ADRA2C: variants seen among roughly 807,000 people sequenced by gnomAD.
ADRA2C encodes adrenoceptor alpha 2C.
In ADRA2C, 4 loss-of-function variants were observed where a neutral mutation model predicts 7.9. The observed-to-expected ratio is 0.51, with a 90% CI of 0.25 to 1.16. The LOEUF is 1.16. ADRA2C is among the 50% of genes most tolerant of loss of function. The pLI is 0.15. For synonymous variants in ADRA2C, 368 were observed against 328.9 expected (o/e 1.12, Z -1.29); for missense variants, 589 against 677.7 (o/e 0.87, Z 1.45).
In ADRA2C at chr4:3,768,423, G is replaced by A. The variant is rs915233260; in HGVS notation, c.*428G>A. 1 of 615,888 alleles carries A rather than the reference G, an allele frequency of 1.6e-6. No individual in the cohort carries two copies. 38.2% of individuals were successfully genotyped at this position (615,888 alleles called of 1,614,324 possible). A position where few individuals can be genotyped will look rare whatever the true frequency, so the allele number is the denominator to read the frequency against. On this transcript the variant is annotated 3_prime_UTR_variant, in exon 1 of 1. Coordinates refer to ENST00000330055, the MANE Select transcript of ADRA2C (RefSeq NM_000683.4). ...CGGGGGGTGGCTGCCAGGGGGCAAG[G>A]AGAAAGCACCGACAATCTTTGATTA... is the stretch of plus-strand genomic sequence containing the variant.
In ADRA2C at chr4:3,766,761, C is replaced by T. The variant is rs1466627067; in HGVS notation, c.155C>T (p.Ala52Val). 2.0e-6 allele frequency: 3 copies of T among 1,532,316 alleles called. No homozygotes were observed. Among genetic ancestry groups the T allele is most frequent in the South Asian group, 2.5e-5 (2 of 79,934 alleles). 94.9% of individuals were successfully genotyped at this position (1,532,316 alleles called of 1,614,324 possible). The change falls in exon 1 of 1, where the codon GCA becomes GTA. Residue 52 changes from alanine (A) to valine (V), a missense_variant. Coordinates refer to ENST00000330055, the MANE Select transcript of ADRA2C (RefSeq NM_000683.4). This position sits in a 1 kb window ranked among gnomAD's most constrained non-coding sequence, Gnocchi z 4.5. ...PRGQYSAGAV[A>V]GLAAVVGFLI... ...GGCCAGTACTCGGCGGGCGCGGTGGCAGGGCTGGCTGCCGTGGTGGGCTTC... is the reference window on the plus strand; with the variant it reads ...GGCCAGTACTCGGCGGGCGCGGTGGTAGGGCTGGCTGCCGTGGTGGGCTTC...
Position 3,766,593 on chromosome 4 carries a change from C to T in ADRA2C, c.-14C>T. The T allele has an allele frequency of 1.7e-6, 2 of 1,169,894 alleles. No individual in the cohort carries two copies. The highest frequency in any genetic ancestry group is 2.1e-6 in the Non-Finnish European group (2 of 949,374). The allele number at this position is 1,169,894 out of a possible 1,614,324, so 72.5% of individuals were successfully genotyped here. The stretch of plus-strand genomic sequence containing the variant: ...CCCGGCTCCAGGAGGGACGGCGTAG[C>T]TCGCGGGAGGACCATGGCGTCCCCG... On this transcript the variant is annotated 5_prime_UTR_variant, in exon 1 of 1. Coordinates refer to ENST00000330055, the MANE Select transcript of ADRA2C (RefSeq NM_000683.4). This position sits in a 1 kb window ranked among gnomAD's most constrained non-coding sequence, Gnocchi z 4.5.
Position 3,768,362 on chromosome 4 carries a change from C to G in ADRA2C, c.*367C>G. On this transcript the variant is annotated 3_prime_UTR_variant, in exon 1 of 1. Coordinates refer to ENST00000330055, the MANE Select transcript of ADRA2C (RefSeq NM_000683.4). ...CCAAAGACACTACCACTCCCCATCC[C>G]CGTCTGACCAAGGGCTGACTTCTCC... The G allele has an allele frequency of 2.8e-6, 2 of 703,538 alleles. No individual in the cohort carries two copies. The highest frequency in any genetic ancestry group is 5.3e-6 in the Non-Finnish European group (2 of 377,300). The allele number at this position is 703,538 out of a possible 1,614,324, so 43.6% of individuals were successfully genotyped here.
Position 3,768,089 on chromosome 4 carries a change from T to TCTCCCAGAGACCCGGGGAG in ADRA2C, c.*94_*95insCTCCCAGAGACCCGGGGAG. ...GGGAGCTTTCCCAGAGACCCGGGGA[T>TCTCCCAGAGACCCGGGGAG]GGATTGGCCTCCAGGGCGCAGGGGA... is the stretch of plus-strand genomic sequence containing the variant. On this transcript the variant is annotated 3_prime_UTR_variant, in exon 1 of 1. Coordinates refer to ENST00000330055, the MANE Select transcript of ADRA2C (RefSeq NM_000683.4). 2 of 117,640 alleles carry TCTCCCAGAGACCCGGGGAG rather than the reference T, an allele frequency of 1.7e-5. No individual in the cohort carries two copies. The highest frequency in any genetic ancestry group is 3.3e-5 in the Non-Finnish European group (2 of 60,658). 7.3% of individuals were successfully genotyped at this position (117,640 alleles called of 1,614,324 possible). A position where few individuals can be genotyped will look rare whatever the true frequency, so the allele number is the denominator to read the frequency against.
Position 3,768,334 on chromosome 4 carries a change from C to T in ADRA2C, c.*339C>T, listed in dbSNP as rs1026640983. The stretch of plus-strand genomic sequence containing the variant: ...CCCCCTAAATGGGCAAGCAAGGAGC[C>T]CCCCAAAGACACTACCACTCCCCAT... On this transcript the variant is annotated 3_prime_UTR_variant, in exon 1 of 1. Coordinates refer to ENST00000330055, the MANE Select transcript of ADRA2C (RefSeq NM_000683.4). 4 of 715,746 alleles carry T rather than the reference C, an allele frequency of 5.6e-6. No homozygotes were observed. The highest frequency in any genetic ancestry group is 1.5e-5 in the South Asian group (1 of 67,360). 44.3% of individuals were successfully genotyped at this position (715,746 alleles called of 1,614,324 possible). A position where few individuals can be genotyped will look rare whatever the true frequency, so the allele number is the denominator to read the frequency against.
Position 3,767,215 on chromosome 4 carries a change from C to T in ADRA2C, c.609C>T (p.Gly203=). Residue 203 remains glycine (G), a synonymous_variant, in exon 1 of 1, where the codon GGC becomes GGT. Transcript: ENST00000330055. The part of the protein sequence containing the change: ...QPDGAAYPQC[G]LNDETWYILS... ...ACGGCGCCGCCTACCCGCAGTGCGG[C>T]CTCAACGACGAGACCTGGTACATCC... 1 of 1,610,554 alleles carries T rather than the reference C, an allele frequency of 6.2e-7. No homozygotes were observed. The highest frequency in any genetic ancestry group is 8.5e-7 in the Non-Finnish European group (1 of 1,179,300).
chr4:3,767,753 G>T lies in ADRA2C; in HGVS notation c.1147G>T (p.Val383Leu). ...GGCGCGCGAGAAGCGCTTCACCTTT[G>T]TGCTGGCTGTGGTCATGGGCGTGTT... ...AQAREKRFTF[V>L]LAVVMGVFVL... Residue 383 changes from valine (V) to leucine (L), a missense_variant, in exon 1 of 1, where the codon GTG (valine) becomes TTG (leucine). Coordinates refer to ENST00000330055, the MANE Select transcript of ADRA2C (RefSeq NM_000683.4). 6.2e-7 allele frequency: 1 copy of T among 1,613,090 alleles called. No individual in the cohort carries two copies.
In ADRA2C at chr4:3,767,158, C is replaced by A. The variant is rs1735464209; in HGVS notation, c.552C>A (p.Phe184Leu). 2 of 1,609,260 alleles carry A rather than the reference C, an allele frequency of 1.2e-6. No homozygotes were observed. The highest frequency in any genetic ancestry group is 8.5e-7 in the Non-Finnish European group (1 of 1,179,726). Residue 184 changes from phenylalanine to leucine, a missense_variant, in exon 1 of 1, where the codon TTC (phenylalanine) becomes TTA (leucine). Transcript: ENST00000330055. ...AVWLISAVIS[F>L]PPLVSLYRQP... ...GGCTCATCTCGGCCGTCATCTCCTT[C>A]CCGCCGCTGGTCTCGCTCTACCGCC...
chr4:3,766,936 C>T lies in ADRA2C; in HGVS notation c.330C>T (p.Ala110=). ...VATLVMPFSL[A]NELMAYWYFG... ...CGCTGGTCATGCCCTTCTCGTTGGC[C>T]AACGAGCTCATGGCCTACTGGTACT... Residue 110 remains alanine (A), a synonymous_variant, in exon 1 of 1, where the codon GCC becomes GCT. Coordinates refer to ENST00000330055, the MANE Select transcript of ADRA2C (RefSeq NM_000683.4). This position sits in a 1 kb window ranked among gnomAD's most constrained non-coding sequence, Gnocchi z 4.5. 1.9e-6 allele frequency: 3 copies of T among 1,610,862 alleles called. No individual in the cohort carries two copies. Among genetic ancestry groups the T allele is most frequent in the Non-Finnish European group, 2.5e-6 (3 of 1,179,894 alleles).
Position 3,766,773 on chromosome 4 carries a change from C to T in ADRA2C, c.167C>T (p.Ala56Val), listed in dbSNP as rs766801058. 9.7e-6 allele frequency: 15 copies of T among 1,546,456 alleles called. No individual in the cohort carries two copies. In the South Asian group the frequency reaches 1.6e-4, roughly 16 times the overall value. Residue 56 changes from alanine (A) to valine (V), a missense_variant, in exon 1 of 1, where the codon GCC becomes GTC. Ala to Val is a moderately conservative substitution (Grantham distance 64). Coordinates refer to ENST00000330055, the MANE Select transcript of ADRA2C (RefSeq NM_000683.4). The surrounding 1 kb of genome is among the most constrained non-coding windows in gnomAD (Gnocchi z 4.5). ...GCGGGCGCGGTGGCAGGGCTGGCTG[C>T]CGTGGTGGGCTTCCTCATCGTCTTC... ...YSAGAVAGLA[A>V]VVGFLIVFTV...
rs1437238979 is a variant in ADRA2C, at chr4:3,768,026, C to G, written c.*31C>G. 4 of 1,434,218 alleles carry G rather than the reference C, an allele frequency of 2.8e-6. No homozygotes were observed. The highest frequency in any genetic ancestry group is 1.8e-5 in the Admixed American group (1 of 54,610). 88.8% of individuals were successfully genotyped at this position (1,434,218 alleles called of 1,614,324 possible). A position where few individuals can be genotyped will look rare whatever the true frequency, so the allele number is the denominator to read the frequency against. ...ACCCGTCTGGGAATCCTGGACAGCTCCGCGCTCGGGGCTGGGCAGAAGGGG... is the reference window on the plus strand; with the variant it reads ...ACCCGTCTGGGAATCCTGGACAGCTGCGCGCTCGGGGCTGGGCAGAAGGGG... On this transcript the variant is annotated 3_prime_UTR_variant, in exon 1 of 1. Coordinates refer to ENST00000330055, the MANE Select transcript of ADRA2C (RefSeq NM_000683.4).
In ADRA2C at chr4:3,768,228, T is replaced by G. The variant is rs1047819769; in HGVS notation, c.*233T>G. ...CTCAGCAAGGGGCTGCTTCTGGGGC[T>G]CCCTGCCTGGATCCAGCTCTGGGAG... On this transcript the variant is annotated 3_prime_UTR_variant, in exon 1 of 1. Coordinates refer to ENST00000330055, the MANE Select transcript of ADRA2C (RefSeq NM_000683.4). 1.5e-5 allele frequency: 11 copies of G among 719,172 alleles called. No individual in the cohort carries two copies. The highest frequency in any genetic ancestry group is 2.8e-5 in the Non-Finnish European group (11 of 387,106). 44.5% of individuals were successfully genotyped at this position (719,172 alleles called of 1,614,324 possible). A position where few individuals can be genotyped will look rare whatever the true frequency, so the allele number is the denominator to read the frequency against.
Position 3,766,900 on chromosome 4 carries a change from C to G in ADRA2C, c.294C>G (p.Ile98Met). ...LFLVSLASAD[I>M]LVATLVMPFS... Reference sequence around the variant, plus strand: ...TGGTGTCGCTGGCCTCGGCCGACATCCTGGTGGCCACGCTGGTCATGCCCT... The same window carrying G: ...TGGTGTCGCTGGCCTCGGCCGACATGCTGGTGGCCACGCTGGTCATGCCCT... The change falls in exon 1 of 1, where the codon ATC (isoleucine) becomes ATG (methionine). Residue 98 changes from isoleucine to methionine, a missense_variant. Ile to Met is a conservative substitution (Grantham distance 10). Coordinates refer to ENST00000330055, the MANE Select transcript of ADRA2C (RefSeq NM_000683.4). The surrounding 1 kb of genome is among the most constrained non-coding windows in gnomAD (Gnocchi z 4.5). 6.2e-7 allele frequency: 1 copy of G among 1,610,648 alleles called. No homozygotes were observed. Among genetic ancestry groups the G allele is most frequent in the Non-Finnish European group, 8.5e-7 (1 of 1,179,528 alleles).
At position 3,768,472 on chromosome 4, in the gene ADRA2C, A is replaced by G; in HGVS notation, c.*477A>G. 1 of 591,602 alleles carries G rather than the reference A, an allele frequency of 1.7e-6. No homozygotes were observed. Among genetic ancestry groups the G allele is most frequent in the South Asian group, 2.1e-5 (1 of 47,580 alleles). The allele number at this position is 591,602 out of a possible 1,614,324, so 36.6% of individuals were successfully genotyped here. ...TACTGAAAGTATTTAAATGTTTGCC[A>G]AAAACAACAGCCAAAACAACCAAAC... On this transcript the variant is annotated 3_prime_UTR_variant, in exon 1 of 1. Coordinates refer to ENST00000330055, the MANE Select transcript of ADRA2C (RefSeq NM_000683.4).
At position 3,766,530 on chromosome 4, in the gene ADRA2C, A is replaced by T; in HGVS notation, c.-77A>T. ...GCAGCAGGCGGCGATGCGGGCGCCGACCCCGGCTGGGGGGCGCCCGAGCTG... is the reference window on the plus strand; with the variant it reads ...GCAGCAGGCGGCGATGCGGGCGCCGTCCCCGGCTGGGGGGCGCCCGAGCTG... On this transcript the variant is annotated 5_prime_UTR_variant, in exon 1 of 1. Coordinates refer to ENST00000330055, the MANE Select transcript of ADRA2C (RefSeq NM_000683.4). This position sits in a 1 kb window ranked among gnomAD's most constrained non-coding sequence, Gnocchi z 4.5. 2 of 1,011,166 alleles carry T rather than the reference A, an allele frequency of 2.0e-6. No homozygotes were observed. 62.6% of individuals were successfully genotyped at this position (1,011,166 alleles called of 1,614,324 possible). A position where few individuals can be genotyped will look rare whatever the true frequency, so the allele number is the denominator to read the frequency against.
chr4:3,766,659 C>T lies in ADRA2C; in HGVS notation c.53C>T (p.Pro18Leu). The T allele has an allele frequency of 7.7e-7, 1 of 1,294,794 alleles. No individual in the cohort carries two copies. The highest frequency in any genetic ancestry group is 4.2e-5 in the Admixed American group (1 of 23,830). The allele number at this position is 1,294,794 out of a possible 1,614,324, so 80.2% of individuals were successfully genotyped here. ...CTGGCGGTGGCGGCAGCGGCGGGCC[C>T]CAATGCGAGCGGCGCGGGCGAGAGG... Reference protein sequence around the residue: ...AALAVAAAAGPNASGAGERGS... With the variant: ...AALAVAAAAGLNASGAGERGS... Residue 18 changes from proline (P) to leucine (L), a missense_variant, in exon 1 of 1, where the codon CCC becomes CTC. Transcript: ENST00000330055. The surrounding 1 kb of genome is among the most constrained non-coding windows in gnomAD (Gnocchi z 4.5).
Position 3,768,296 on chromosome 4 carries a change from G to T in ADRA2C, c.*301G>T, listed in dbSNP as rs970270835. 1.4e-6 allele frequency: 1 copy of T among 717,070 alleles called. No homozygotes were observed. The highest frequency in any genetic ancestry group is 1.7e-5 in the African/African-American group (1 of 57,274). The allele number at this position is 717,070 out of a possible 1,614,324, so 44.4% of individuals were successfully genotyped here. A position where few individuals can be genotyped will look rare whatever the true frequency, so the allele number is the denominator to read the frequency against. ...TGTGAGGTCAGGGTTTTAGAGAGCA[G>T]TGGCAGAGGTAGCCCCCTAAATGGG... On this transcript the variant is annotated 3_prime_UTR_variant, in exon 1 of 1. Coordinates refer to ENST00000330055, the MANE Select transcript of ADRA2C (RefSeq NM_000683.4).
In ADRA2C at chr4:3,767,834, G is replaced by C; in HGVS notation, c.1228G>C (p.Glu410Gln). 1.9e-6 allele frequency: 3 copies of C among 1,613,172 alleles called. No homozygotes were observed. The highest frequency in any genetic ancestry group is 2.5e-6 in the Non-Finnish European group (3 of 1,179,884). ...FSYSLYGICR[E>Q]ACQVPGPLFK... ...CTACAGCCTGTACGGCATCTGCCGC[G>C]AGGCCTGCCAGGTGCCCGGCCCGCT... Residue 410 changes from glutamate to glutamine, a missense_variant, in exon 1 of 1, where the codon GAG (glutamate) becomes CAG (glutamine). Physicochemically the swap from Glu to Gln is conservative, Grantham distance 29. Coordinates refer to ENST00000330055, the MANE Select transcript of ADRA2C (RefSeq NM_000683.4).
chr4:3,766,845 G>C lies in ADRA2C; in HGVS notation c.239G>C (p.Arg80Pro), dbSNP rs772009542. The part of the protein sequence containing the change: ...VLVVIAVLTS[R>P]ALRAPQNLFL... ...GTGGTGATCGCCGTGCTGACCAGCC[G>C]GGCGCTGCGCGCGCCACAGAACCTC... Residue 80 changes from arginine to proline, a missense_variant, in exon 1 of 1, where the codon CGG becomes CCG. Physicochemically the swap from Arg to Pro is moderately radical, Grantham distance 103. Coordinates refer to ENST00000330055, the MANE Select transcript of ADRA2C (RefSeq NM_000683.4). The surrounding 1 kb of genome is among the most constrained non-coding windows in gnomAD (Gnocchi z 4.5). 2 of 1,592,110 alleles carry C rather than the reference G, an allele frequency of 1.3e-6. No homozygotes were observed. Among genetic ancestry groups the C allele is most frequent in the Non-Finnish European group, 1.7e-6 (2 of 1,170,294 alleles).
Sources: gnomAD v4.1 joint callset for allele counts on GRCh38, gnomAD v4.1.1 for gene constraint, Gnocchi (gnomAD v3.1) non-coding constraint, MANE v1.5 for transcripts, NCBI Gene and HGNC (gene_info 2026-07-23, HGNC 2026-07-21) for gene names.